Variants in ITPR2 observed in about 807,000 individuals in gnomAD.
ITPR2 encodes the protein inositol 1,4,5-trisphosphate receptor type 2.
Under a neutral mutation model 317.1 loss-of-function variants are expected in ITPR2, and 207 were observed. That is an observed-to-expected ratio of 0.65 (90% CI 0.58 to 0.73). The LOEUF (loss-of-function observed/expected upper bound fraction) is 0.73, where lower values mean the gene tolerates loss of function less well. Among genes scored for constraint, ITPR2 ranks in the 30% least tolerant of loss-of-function variants. The pLI is 0.00. For missense variants in ITPR2, 2,613 were observed against 3,284.0 expected (o/e 0.80, Z 4.99); for synonymous variants, 1,156 against 1,149.1 (o/e 1.01, Z -0.12).
intron 45 of ITPR2, among the ~76,000 whole-genome samples, chr12:26,470,449 AT>A (rs1289685523): frequency 1.3e-5 from 2 of 152,256 alleles, no homozygotes; most frequent in Non-Finnish European, 2.9e-5. Flanking sequence ...ACAAAGAGTT[AT>A]TATCCCTAAT....
chr12:26,707,129 G>T (rs1948565991), intron 9 of ITPR2, among the ~76,000 whole-genome samples: 1 of 152,278 alleles, frequency 6.6e-6, no homozygotes, highest in South Asian at 2.1e-4. Context: ...CGAACTAGAA[G>T]CTCCATTCTT....
chr12:26,772,438 G>A (rs2881005), intron 2 of ITPR2, among the ~76,000 whole-genome samples: 106 of 75,212 alleles, frequency 1.4e-3, no homozygotes, highest in Non-Finnish European at 2.6e-3. Flanking sequence ...TATAATACAT[G>A]TATTATATAT....
Position 26,718,887 on chromosome 12 carries a change from C to T in ITPR2, c.526-2645G>A, listed in dbSNP as rs144289989. Among the ~76,000 whole-genome samples the T allele has an allele frequency of 6.6e-5, 10 of 152,190 alleles. No homozygotes were observed. The East Asian group carries it at 1.2e-3, about 18-fold the overall frequency. On this transcript the variant is annotated intron_variant, in intron 5 of 56. Transcript: ENST00000381340. ...TCAGCCTCCCAAAGGATTACATAGG[C>T]GTGAACCACTGTGCCCAGCCTAACA...
chr12:26,737,280 A>G (rs1166234775), intron 2 of ITPR2, among the ~76,000 whole-genome samples: 1 of 150,674 alleles, frequency 6.6e-6, no homozygotes, highest in East Asian at 1.9e-4. Flanking sequence ...TTTTTTTAAT[A>G]CGGAGCCTCG....
chr12:26,621,305 G>A lies in ITPR2; in HGVS notation c.3289-9C>T. ...GACACCAGTAATTGCACCTAAAACA[G>A]AAGAATTTCAATCTTAGTTGAAGTT... On this transcript the variant is annotated splice_polypyrimidine_tract_variant and intron_variant, in intron 25 of 56. Transcript: ENST00000381340. 1 of 1,591,600 alleles carries A rather than the reference G, an allele frequency of 6.3e-7. No individual in the cohort carries two copies. The highest frequency in any genetic ancestry group is 8.6e-7 in the Non-Finnish European group (1 of 1,166,862).
chr12:26,522,709 G>A (rs1943695629), intron 37 of ITPR2, among the ~76,000 whole-genome samples: 1 of 152,140 alleles, frequency 6.6e-6, no homozygotes, highest in South Asian at 2.1e-4. Context: ...TTGAAAAATT[G>A]TTAAATTCTG....
In ITPR2 at chr12:26,336,066, G is replaced by A. The variant is rs1035529539; in HGVS notation, c.*3331C>T. 6.6e-6 allele frequency among the ~76,000 whole-genome samples: 1 copy of A among 152,208 alleles called. No individual in the cohort carries two copies. The highest frequency in any genetic ancestry group is 1.5e-5 in the Non-Finnish European group (1 of 68,040). On this transcript the variant is annotated 3_prime_UTR_variant, in exon 57 of 57. Transcript: ENST00000381340. ...CATCAACTATTACATCATGATGCCT[G>A]TGCAATATTTACTTGCTTACGTCCA...
Position 26,400,213 on chromosome 12 carries a change from A to T in ITPR2, c.7445T>A (p.Leu2482His). 1 of 1,605,504 alleles carries T rather than the reference A, an allele frequency of 6.2e-7. No individual in the cohort carries two copies. Among genetic ancestry groups the T allele is most frequent in the East Asian group, 2.2e-5 (1 of 44,752 alleles). Residue 2482 changes from leucine to histidine, a missense_variant, in exon 53 of 57, where the codon CTC becomes CAC. By Grantham distance (99) the Leu-to-His change is moderately conservative (BLOSUM62 -3). Transcript: ENST00000381340. Reference protein sequence around the residue: ...EDGIERTCDTLLMCIVTVLNQ... With the variant: ...EDGIERTCDTHLMCIVTVLNQ... ...CAGCACGGTGACAATGCACATAAGG[A>T]GAGTGTCACACGTCCTTTCAATTCC...
chr12:26,568,007 T>A (rs866759038), intron 34 of ITPR2, among the ~76,000 whole-genome samples: 54 of 3,200 alleles, frequency 0.017, 3 homozygotes, highest in African/African-American at 0.038. Flanking sequence ...TTATATATAT[T>A]ATATATATAT....
At chr12:26,421,527 G>C (rs1940888840) in intron 49 of ITPR2, 1 of 120,496 alleles carries the variant, frequency 8.3e-6, no homozygotes, top group African/African-American at 3.6e-5. Context: ...CTTACAAATT[G>C]TTTTCATATA....
At chr12:26,811,036 CAAAAAAAAAA>C (rs79796097) in intron 1 of ITPR2, among the ~76,000 whole-genome samples, 1,085 of 108,354 alleles carry the variant, frequency 0.01, 15 homozygotes, top group African/African-American at 0.038. Context: ...TTTTAAGTTA[CAAAAAAAAAA>C]AAAAAAAAAA....
chr12:26,512,508 G>C (rs1943381051), intron 37 of ITPR2, among the ~76,000 whole-genome samples: 1 of 152,206 alleles, frequency 6.6e-6, no homozygotes, highest in African/African-American at 2.4e-5. Context: ...GTGAAAGGCT[G>C]ATCAAAGACT....
At chr12:26,695,749 G>A in intron 9 of ITPR2, 99 bp from the exon 10 acceptor site, 1 of 736,498 alleles carries the variant, frequency 1.4e-6, no homozygotes. Context: ...CCTCAACTAA[G>A]TTTAATATAA....
chr12:26,765,255 A>C (rs574926750), intron 2 of ITPR2, among the ~76,000 whole-genome samples: 1 of 152,250 alleles, frequency 6.6e-6, no homozygotes, highest in African/African-American at 2.4e-5. Flanking sequence ...AACCTATGTT[A>C]ATTATAAATT....
intron 52 of ITPR2, among the ~76,000 whole-genome samples, chr12:26,401,675 G>A (rs11048495): frequency 0.074 from 11,335 of 152,196 alleles, 468 homozygotes; most frequent in East Asian, 0.18. Context: ...CAATATGCCC[G>A]TCAAGGCATG....
intron 37 of ITPR2, among the ~76,000 whole-genome samples, chr12:26,503,166 G>A (rs1405251543): frequency 8.8e-6 from 1 of 114,122 alleles, no homozygotes; most frequent in Admixed American, 9.1e-5. Context: ...AAACAATGGG[G>A]TAGAAGACCC....
chr12:26,458,307 C>T (rs925177428), intron 45 of ITPR2, among the ~76,000 whole-genome samples: 1 of 152,020 alleles, frequency 6.6e-6, no homozygotes, highest in Admixed American at 6.6e-5. Flanking sequence ...AGTTGGTAGC[C>T]GCTTAGAGAA....
intron 51 of ITPR2, 129 bp downstream of exon 51, chr12:26,415,174 C>T (rs1449254049): frequency 6.3e-6 from 4 of 633,738 alleles, no homozygotes; most frequent in Non-Finnish European, 7.9e-6. Context: ...TAGTAGTAAA[C>T]AAAACATATT....
chr12:26,360,879 A>T (rs1938804695), intron 55 of ITPR2, among the ~76,000 whole-genome samples: 1 of 150,244 alleles, frequency 6.7e-6, no homozygotes, highest in Non-Finnish European at 1.5e-5. Context: ...AAGTTTACCA[A>T]TTTTTTTTTT....
Sources: allele counts gnomAD v4.1 joint callset (sites outside exome capture counted in the v4.1 genomes callset), GRCh38; gene constraint gnomAD v4.1.1; transcripts MANE v1.5; gene names NCBI Gene and HGNC (gene_info 2026-07-23, HGNC 2026-07-21).